The following RBPJ variants were observed in gnomAD, a reference collection of about 807,000 sequenced individuals.
The protein encoded by RBPJ is recombining binding protein suppressor of hairless.
Under a neutral mutation model 67.8 loss-of-function variants are expected in RBPJ, and 9 were observed. That is an observed-to-expected ratio of 0.13 (90% CI 0.08 to 0.23). The LOEUF (loss-of-function observed/expected upper bound fraction) is 0.23. Ranked by LOEUF, RBPJ falls within the 10% of genes least tolerant of loss-of-function variation. The pLI is 1.00. For synonymous variants in RBPJ, 198 were observed against 203.3 expected (o/e 0.97, Z 0.22); for missense variants, 305 against 595.6 (o/e 0.51, Z 5.08).
chr4:26,154,521 G>A, the RBPJ span, among the ~76,000 whole-genome samples: 3 of 152,238 alleles, frequency 2.0e-5, no homozygotes, highest in Admixed American at 2.0e-4. Context: ...TGTGGTCCCA[G>A]ATGGAAGTGC....
At chr4:26,348,545 C>T (rs991116629) in intron 1 of RBPJ, among the ~76,000 whole-genome samples, 1 of 152,110 alleles carries the variant, frequency 6.6e-6, no homozygotes, top group Admixed American at 6.5e-5. Context: ...AGAAAGTTAG[C>T]ATGTACCCCA....
intron 1 of RBPJ, among the ~76,000 whole-genome samples, chr4:26,381,232 CTATT>C (rs767125386): frequency 3.9e-5 from 6 of 151,978 alleles, no homozygotes; most frequent in Non-Finnish European, 8.8e-5. Flanking sequence ...ATTCACCTAT[CTATT>C]TAAGGAAGTA....
the RBPJ span, among the ~76,000 whole-genome samples, chr4:26,152,768 G>A: frequency 6.6e-6 from 1 of 152,242 alleles, no homozygotes; most frequent in Non-Finnish European, 1.5e-5. Context: ...CAGAGAGCTT[G>A]AGAAGTTGAA....
intron 1 of RBPJ, among the ~76,000 whole-genome samples, chr4:26,351,834 G>A (rs185352801): frequency 3.3e-5 from 5 of 152,304 alleles, no homozygotes; most frequent in African/African-American, 1.2e-4. Flanking sequence ...ATATGTGCAT[G>A]CCAAATAGGC....
intron 1 of RBPJ, among the ~76,000 whole-genome samples, chr4:26,266,462 A>T (rs1211237365): frequency 6.6e-6 from 1 of 152,234 alleles, no homozygotes; most frequent in African/African-American, 2.4e-5. Context: ...GGTATAATCC[A>T]ATGGTAATAA....
intron 1 of RBPJ, among the ~76,000 whole-genome samples, chr4:26,215,255 GAA>G (rs1718658750): frequency 2.2e-5 from 1 of 45,684 alleles, no homozygotes. Flanking sequence ...AAGTAAGAAA[GAA>G]AGGAAGGGAG....
At chr4:26,183,726 G>A (rs1201416137) in intron 1 of RBPJ, among the ~76,000 whole-genome samples, 1 of 152,138 alleles carries the variant, frequency 6.6e-6, no homozygotes, top group African/African-American at 2.4e-5. Context: ...AAGAAAAAAT[G>A]TAGCCGGGCG....
chr4:26,175,131 C>T (rs952311255), intron 1 of RBPJ, among the ~76,000 whole-genome samples: 17 of 152,284 alleles, frequency 1.1e-4, no homozygotes, highest in African/African-American at 4.1e-4. Context: ...AGGGAAAGTG[C>T]ATCTGAATAG....
intron 2 of RBPJ, among the ~76,000 whole-genome samples, chr4:26,397,320 A>G (rs976635012): frequency 6.6e-6 from 1 of 152,166 alleles, no homozygotes; most frequent in Admixed American, 6.5e-5. Context: ...CGTATAAATC[A>G]GGATGCCTTT....
At chr4:26,188,449 G>T (rs1330561629) in intron 1 of RBPJ, among the ~76,000 whole-genome samples, 2 of 152,086 alleles carry the variant, frequency 1.3e-5, no homozygotes, top group Non-Finnish European at 2.9e-5. Flanking sequence ...TACTAAAAAG[G>T]TCAAGACTTT....
chr4:26,285,289 G>A (rs1390940787), intron 1 of RBPJ, among the ~76,000 whole-genome samples: 1 of 131,528 alleles, frequency 7.6e-6, no homozygotes, highest in Non-Finnish European at 1.5e-5. Context: ...TTACCATGGT[G>A]ATAACTGGGC....
In RBPJ at chr4:26,244,254, TA is replaced by T. The variant is rs1719775676; in HGVS notation, c.-167+80641del. ...ATATGTGTCTATATATGTGTACACA[TA>T]CACATATGTGTACACATATATGTGT... On this transcript the variant is annotated intron_variant, in intron 1 of 4. Transcript: ENST00000512351. 1.7e-5 allele frequency among the ~76,000 whole-genome samples: 2 copies of T among 119,498 alleles called. 1 individual carries two copies. The highest frequency in any genetic ancestry group is 7.5e-5 in the African/African-American group (2 of 26,620). The allele number at this position is 119,498 out of a possible 152,430, so 78.4% of individuals were successfully genotyped here.
chr4:26,318,787 A>G (rs78480834), upstream of RBPJ, among the ~76,000 whole-genome samples: 1 of 151,954 alleles, frequency 6.6e-6, no homozygotes, highest in Non-Finnish European at 1.5e-5. Flanking sequence ...TCACGAGGTC[A>G]GGAGATCGAG....
chr4:26,289,204 C>G lies in RBPJ; in HGVS notation c.-166-73242C>G, dbSNP rs192291102. Among the ~76,000 whole-genome samples, 81 of 149,654 alleles carry G rather than the reference C, an allele frequency of 5.4e-4. 1 individual carries two copies. The highest frequency in any genetic ancestry group is 1.9e-3 in the African/African-American group (79 of 40,642). ...TAGAGGTCAGGAGTTCAAGACCAGC[C>G]TGGCCAACATAGTGAAACCCCATCT... On this transcript the variant is annotated intron_variant, in intron 1 of 4. Coordinates refer to the RBPJ transcript ENST00000512351.
chr4:26,411,077 A>T, intron 3 of RBPJ, among the ~76,000 whole-genome samples: 1 of 152,186 alleles, frequency 6.6e-6, no homozygotes, highest in East Asian at 1.9e-4. Context: ...ATTTTAAAAA[A>T]TAGTCAGTTT....
At chr4:26,158,951 C>CTT (rs780283734), upstream of RBPJ, among the ~76,000 whole-genome samples, 1 of 71,738 alleles carries the variant, frequency 1.4e-5, no homozygotes, top group Non-Finnish European at 3.5e-5. Context: ...CTCTTTCTCT[C>CTT]TCTCTCTCTC....
At chr4:26,258,798 ATTT>A (rs1720432624) in intron 1 of RBPJ, among the ~76,000 whole-genome samples, 1 of 150,742 alleles carries the variant, frequency 6.6e-6, no homozygotes, top group Non-Finnish European at 1.5e-5. Context: ...TTTATTATTT[ATTT>A]ATTTATTTAT....
chr4:26,319,931 C>G (rs754858598), upstream of RBPJ: 4 of 1,558,388 alleles, frequency 2.6e-6, no homozygotes, highest in Non-Finnish European at 2.6e-6. Context: ...CCCTGCTGTT[C>G]CATGCCCGGT....
At chr4:26,324,083 A>T (rs1227835861) in intron 1 of RBPJ, among the ~76,000 whole-genome samples, 2 of 152,144 alleles carry the variant, frequency 1.3e-5, no homozygotes, top group Non-Finnish European at 2.9e-5. Context: ...GTAAAATGGG[A>T]ATTATAATAA....
Sources: gnomAD v4.1 joint callset for allele counts (sites outside exome capture counted in the v4.1 genomes callset) on GRCh38, gnomAD v4.1.1 for gene constraint, MANE v1.5 for transcripts, NCBI Gene and HGNC (gene_info 2026-07-23, HGNC 2026-07-21) for gene names.